Variants in CCDC83 observed in about 807,000 individuals in gnomAD.
CCDC83 encodes the protein coiled-coil domain-containing protein 83.
In CCDC83, 54 loss-of-function variants were observed where a neutral mutation model predicts 50.1. The observed-to-expected ratio is 1.08, with a 90% confidence interval of 0.87 to 1.35. CCDC83 has a LOEUF of 1.35. Among genes scored for constraint, CCDC83 ranks in the 40% most tolerant of loss-of-function variants. The pLI, the probability that CCDC83 is intolerant of heterozygous loss-of-function variation, is 0.00. For missense variants in CCDC83, 518 were observed against 473.9 expected (o/e 1.09, Z -0.86); for synonymous variants, 161 against 153.3 (o/e 1.05, Z -0.37).
chr11:85,866,639 G>C (rs2093208285), intron 2 of CCDC83, among the ~76,000 whole-genome samples: 1 of 150,370 alleles, frequency 6.7e-6, no homozygotes, highest in Non-Finnish European at 1.5e-5. Flanking sequence ...TGGTGACAGA[G>C]AGGGACCCTG....
intron 4 of CCDC83, among the ~76,000 whole-genome samples, chr11:85,884,802 C>T (rs115530916): frequency 6.6e-6 from 1 of 152,208 alleles, no homozygotes; most frequent in Non-Finnish European, 1.5e-5. Context: ...AAATGGGGCA[C>T]TGGCCTGAGA....
At chr11:85,917,905 T>TA (rs984896182) in intron 10 of CCDC83, 6 of 152,218 alleles carry the variant, frequency 3.9e-5, no homozygotes, top group African/African-American at 1.4e-4. Context: ...ATGAAAGACT[T>TA]ACTTTCCATG....
At chr11:85,908,592 T>C (rs573428518) in intron 7 of CCDC83, among the ~76,000 whole-genome samples, 1 of 148,908 alleles carries the variant, frequency 6.7e-6, no homozygotes, top group South Asian at 2.1e-4. Flanking sequence ...GATAGATAGA[T>C]AGATAGATAG....
At chr11:85,898,436 CTTT>C (rs1442663559) in intron 6 of CCDC83, among the ~76,000 whole-genome samples, 1 of 152,002 alleles carries the variant, frequency 6.6e-6, no homozygotes, top group Non-Finnish European at 1.5e-5. Context: ...TTTTTGTCTT[CTTT>C]GTCTAAAATG....
chr11:85,895,264 C>CTT (rs10594256), intron 5 of CCDC83, 29 bp from the exon 6 acceptor site: 17,747 of 358,636 alleles, frequency 0.049, 1,023 homozygotes, highest in African/African-American at 0.11. Flanking sequence ...TTTTAATTTT[C>CTT]TTTTTTTTTT....
chr11:85,896,080 C>T (rs545046970), intron 6 of CCDC83, among the ~76,000 whole-genome samples: 9 of 152,130 alleles, frequency 5.9e-5, no homozygotes, highest in South Asian at 2.1e-4. Flanking sequence ...TTTCAGATTC[C>T]GGAATATTTG....
Position 85,898,971 on chromosome 11 carries a change from G to A in CCDC83, c.628G>A (p.Gly210Ser), listed in dbSNP as rs1302997887. 2 of 1,612,472 alleles carry A rather than the reference G, an allele frequency of 1.2e-6. No individual in the cohort carries two copies. The highest frequency in any genetic ancestry group is 2.2e-5 in the East Asian group (1 of 44,816). ...TQNAVKLIDK[G>S]SYLEIWENDW... is the part of the protein sequence containing the mutation. ...GAATGCTGTAAAGCTCATTGACAAGGGCAGTTATCTAGAGATCTGGGAGAA... is the reference window on the plus strand; with the variant it reads ...GAATGCTGTAAAGCTCATTGACAAGAGCAGTTATCTAGAGATCTGGGAGAA... Residue 210 changes from glycine (G) to serine (S), a missense_variant, in exon 7 of 11, where the codon GGC becomes AGC. Coordinates refer to ENST00000342404, the MANE Select transcript of CCDC83 (RefSeq NM_001286159.2).
intron 5 of CCDC83, among the ~76,000 whole-genome samples, chr11:85,893,101 G>C (rs1438529409): frequency 6.6e-6 from 1 of 152,048 alleles, no homozygotes; most frequent in Non-Finnish European, 1.5e-5. Flanking sequence ...CACCCAAGCT[G>C]CCAGAGAAGG....
At chr11:85,857,018 C>A (rs189043364) in intron 1 of CCDC83, among the ~76,000 whole-genome samples, 1 of 152,192 alleles carries the variant, frequency 6.6e-6, no homozygotes, top group Non-Finnish European at 1.5e-5. Context: ...CAGTGCCATA[C>A]CCCCAGTGCC....
intron 1 of CCDC83, among the ~76,000 whole-genome samples, chr11:85,863,779 C>T (rs1051636835): frequency 1.3e-5 from 2 of 152,172 alleles, no homozygotes; most frequent in Admixed American, 6.5e-5. Context: ...CACGCATCAT[C>T]GTACTTGCAG....
rs368087661 is a variant in CCDC83, at chr11:85,915,858, T to A, written c.875-170T>A. ...TAACTTATTAGCTAACAGAAAGAAA[T>A]ACAACTTAGAGTTTCTACAAATGGG... On this transcript the variant is annotated intron_variant, in intron 9 of 10. Coordinates refer to ENST00000342404, the MANE Select transcript of CCDC83 (RefSeq NM_001286159.2). 5.3e-5 allele frequency among the ~76,000 whole-genome samples: 8 copies of A among 152,192 alleles called. No individual in the cohort carries two copies. The East Asian group carries it at 1.5e-3, about 29-fold the overall frequency.
intron 5 of CCDC83, among the ~76,000 whole-genome samples, chr11:85,889,618 A>G (rs962578704): frequency 1.3e-5 from 2 of 152,204 alleles, no homozygotes; most frequent in Non-Finnish European, 2.9e-5. Flanking sequence ...CACAATGAAT[A>G]TGAGCAAGAC....
intron 2 of CCDC83, among the ~76,000 whole-genome samples, chr11:85,866,773 G>C (rs2093209862): frequency 6.6e-6 from 1 of 152,114 alleles, no homozygotes; most frequent in Non-Finnish European, 1.5e-5. Context: ...AGAGGAGTTA[G>C]GAAAAACTTG....
At chr11:85,871,986 T>C (rs1225528718) in intron 2 of CCDC83, among the ~76,000 whole-genome samples, 2 of 152,206 alleles carry the variant, frequency 1.3e-5, no homozygotes, top group Admixed American at 1.3e-4. Flanking sequence ...TGCATCTCAC[T>C]CTGTCACCCA....
intron 2 of CCDC83, among the ~76,000 whole-genome samples, chr11:85,867,699 T>G (rs1249465811): frequency 6.6e-6 from 1 of 152,216 alleles, no homozygotes; most frequent in African/African-American, 2.4e-5. Flanking sequence ...ACTGGTGACA[T>G]CCAGTTAACA....
chr11:85,900,937 C>T (rs1225129967), intron 7 of CCDC83, among the ~76,000 whole-genome samples: 4 of 151,916 alleles, frequency 2.6e-5, no homozygotes, highest in Admixed American at 6.6e-5. Flanking sequence ...CGGTGGCTCA[C>T]ACCTGTAGTC....
chr11:85,886,817 G>T (rs1395294489), intron 5 of CCDC83, among the ~76,000 whole-genome samples: 1 of 152,220 alleles, frequency 6.6e-6, no homozygotes, highest in African/African-American at 2.4e-5. Context: ...AGAGGCTGAG[G>T]TGGGAGGATC....
chr11:85,895,213 C>T (rs2093367185), intron 5 of CCDC83, 80 bp from the exon 6 acceptor site: 1 of 368,158 alleles, frequency 2.7e-6, no homozygotes. Flanking sequence ...GAAGAGTAGA[C>T]TGCCACACAT....
chr11:85,896,400 CAAAAAAAAAAAA>C (rs58450617), intron 6 of CCDC83, among the ~76,000 whole-genome samples: 9 of 50,504 alleles, frequency 1.8e-4, no homozygotes, highest in African/African-American at 4.0e-4. Flanking sequence ...GACCTTGTCT[CAAAAAAAAAAAA>C]AAAAAAAAAA....
Sources: allele counts gnomAD v4.1 joint callset (sites outside exome capture counted in the v4.1 genomes callset), GRCh38; gene constraint gnomAD v4.1.1; transcripts MANE v1.5; gene names NCBI Gene and HGNC (gene_info 2026-07-23, HGNC 2026-07-21).